ESRRG: variants seen among roughly 807,000 people sequenced by gnomAD.
ESRRG encodes estrogen related receptor gamma.
ESRRG carries 13 observed loss-of-function variants against 44.0 expected under a neutral mutation model. That is an observed-to-expected ratio of 0.30 (90% CI 0.19 to 0.47). The LOEUF (loss-of-function observed/expected upper bound fraction) is 0.47, where lower values mean the gene tolerates loss of function less well. ESRRG is among the 20% of genes least tolerant of loss of function. The probability of loss-of-function intolerance (pLI) is 1.00; values close to 1 mark genes in which losing one functional copy is unlikely to be tolerated. For missense variants in ESRRG, 395 were observed against 580.6 expected (o/e 0.68, Z 3.29); for synonymous variants, 215 against 214.6 (o/e 1.00, Z -0.02).
intron 2 of ESRRG, among the ~76,000 whole-genome samples, chr1:216,845,679 C>T (rs1483202211): frequency 6.6e-6 from 1 of 152,172 alleles, no homozygotes; most frequent in East Asian, 1.9e-4. Flanking sequence ...TTCCCCTCCC[C>T]TGAAAACATT....
At position 216,652,642 on chromosome 1, in the gene ESRRG, A is replaced by G. The variant is rs529544917; in HGVS notation, c.473-1553T>C. Among the ~76,000 whole-genome samples, 14 of 152,282 alleles carry G rather than the reference A, an allele frequency of 9.2e-5. No individual in the cohort carries two copies. In the South Asian group the frequency reaches 1.7e-3, roughly 18 times the overall value. On this transcript the variant is annotated intron_variant, in intron 2 of 6. Transcript: ENST00000408911. Reference sequence around the variant, plus strand: ...CATTGCATCAACAGAAGTATATACCATCACCTTCCTTGGAGATATTACTGA... The same window carrying G: ...CATTGCATCAACAGAAGTATATACCGTCACCTTCCTTGGAGATATTACTGA...
At chr1:216,738,998 GTCC>G in intron 2 of ESRRG, among the ~76,000 whole-genome samples, 1 of 152,236 alleles carries the variant, frequency 6.6e-6, no homozygotes, top group Admixed American at 6.5e-5. Context: ...TTACAGGTAT[GTCC>G]CACTGCAACC....
At chr1:216,691,461 G>C (rs1244481224) in intron 1 of ESRRG, among the ~76,000 whole-genome samples, 2 of 152,112 alleles carry the variant, frequency 1.3e-5, no homozygotes, top group Non-Finnish European at 2.9e-5. Context: ...AAATGCTTCT[G>C]ATGTAGTAAC....
chr1:216,862,737 G>A (rs879581253), intron 2 of ESRRG: 2 of 152,136 alleles, frequency 1.3e-5, no homozygotes, highest in Non-Finnish European at 2.9e-5. Flanking sequence ...TTGAGATGGG[G>A]GAAGTAGGTC....
chr1:216,664,186 C>T (rs961051467), intron 2 of ESRRG, among the ~76,000 whole-genome samples: 1 of 151,924 alleles, frequency 6.6e-6, no homozygotes, highest in African/African-American at 2.4e-5. Flanking sequence ...CTTTTAAAAG[C>T]TTTTAAAATA....
chr1:216,976,446 G>A (rs986474844), intron 1 of ESRRG, among the ~76,000 whole-genome samples: 1 of 152,068 alleles, frequency 6.6e-6, no homozygotes, highest in African/African-American at 2.4e-5. Context: ...TAAGCTATTA[G>A]GTGAATCTCT....
At chr1:216,781,275 C>CA (rs1254404917) in intron 2 of ESRRG, among the ~76,000 whole-genome samples, 3 of 148,596 alleles carry the variant, frequency 2.0e-5, no homozygotes, top group African/African-American at 7.4e-5. Context: ...CCTGAACAAC[C>CA]AAAATAAAAA....
intron 2 of ESRRG, among the ~76,000 whole-genome samples, chr1:216,746,502 T>C (rs1227836985): frequency 1.3e-5 from 2 of 152,200 alleles, no homozygotes; most frequent in Non-Finnish European, 2.9e-5. Flanking sequence ...CAAAGCTAAC[T>C]TTTAAAAGAA....
intron 5 of ESRRG, among the ~76,000 whole-genome samples, chr1:216,524,472 C>A (rs897506617): frequency 1.3e-5 from 2 of 151,472 alleles, no homozygotes; most frequent in East Asian, 3.9e-4. Flanking sequence ...GTACTTAAGC[C>A]TTAAATACAA....
At chr1:216,776,917 C>T (rs2093635822) in intron 2 of ESRRG, among the ~76,000 whole-genome samples, 1 of 152,110 alleles carries the variant, frequency 6.6e-6, no homozygotes, top group Non-Finnish European at 1.5e-5. Flanking sequence ...ATAGCATGTG[C>T]TAAGGAGAGG....
At chr1:216,750,533 C>A (rs1380045967) in intron 2 of ESRRG, among the ~76,000 whole-genome samples, 2 of 152,050 alleles carry the variant, frequency 1.3e-5, no homozygotes, top group Non-Finnish European at 2.9e-5. Context: ...TTCTTTCTAA[C>A]CCTATTTAAA....
intron 1 of ESRRG, among the ~76,000 whole-genome samples, chr1:217,126,135 C>T (rs568581649): frequency 1.3e-4 from 20 of 152,104 alleles, no homozygotes; most frequent in African/African-American, 2.7e-4. Context: ...ACTAGTTGTG[C>T]GGTCATGGGC....
chr1:217,061,209 A>T (rs2088404394), intron 1 of ESRRG, among the ~76,000 whole-genome samples: 1 of 152,078 alleles, frequency 6.6e-6, no homozygotes, highest in South Asian at 2.1e-4. Flanking sequence ...CACAGTTAGG[A>T]TAAAACAACC....
intron 1 of ESRRG, among the ~76,000 whole-genome samples, chr1:216,713,780 GA>G (rs1448787333): frequency 6.6e-6 from 1 of 152,190 alleles, no homozygotes; most frequent in South Asian, 2.1e-4. Flanking sequence ...AAAAGGCACA[GA>G]GTGTCTAAAA....
chr1:216,524,742 AACAAG>A (rs2047119873), intron 5 of ESRRG, among the ~76,000 whole-genome samples: 1 of 152,192 alleles, frequency 6.6e-6, no homozygotes, highest in Admixed American at 6.6e-5. Context: ...ATAGTGGTCA[AACAAG>A]ACAAGTACAT....
chr1:216,952,824 T>A (rs1405700731), intron 1 of ESRRG, among the ~76,000 whole-genome samples: 1 of 152,146 alleles, frequency 6.6e-6, no homozygotes, highest in Non-Finnish European at 1.5e-5. Flanking sequence ...TTCCTGGCAC[T>A]GTTTTACTGT....
At chr1:216,837,581 G>C (rs1242190545) in intron 2 of ESRRG, among the ~76,000 whole-genome samples, 9 of 152,142 alleles carry the variant, frequency 5.9e-5, no homozygotes, top group Non-Finnish European at 8.8e-5. Flanking sequence ...CAGTGGGTTG[G>C]TGCTGAGAGT....
At chr1:216,933,106 T>C (rs1050093222) in intron 2 of ESRRG, among the ~76,000 whole-genome samples, 5 of 152,102 alleles carry the variant, frequency 3.3e-5, no homozygotes, top group Non-Finnish European at 7.4e-5. Context: ...TAGGACTGTT[T>C]CCAGGATTAA....
chr1:216,534,789 T>C (rs186174916), intron 5 of ESRRG, among the ~76,000 whole-genome samples: 151 of 152,288 alleles, frequency 9.9e-4, no homozygotes, highest in Non-Finnish European at 6.8e-4. Flanking sequence ...CCAGGGAACA[T>C]CTAGCTCAAC....
Sources: gnomAD v4.1 joint callset for allele counts (sites outside exome capture counted in the v4.1 genomes callset) on GRCh38, gnomAD v4.1.1 for gene constraint, MANE v1.5 for transcripts, NCBI Gene and HGNC (gene_info 2026-07-23, HGNC 2026-07-21) for gene names.